The following CARMIL1 variants were observed in gnomAD, a reference collection of about 807,000 sequenced individuals.
CARMIL1 encodes F-actin-uncapping protein LRRC16A.
In CARMIL1, 90 loss-of-function variants were observed where a neutral mutation model predicts 177.1. That is an observed-to-expected ratio of 0.51 (90% CI 0.43 to 0.61). CARMIL1 has a LOEUF of 0.61. Ranked by LOEUF, CARMIL1 falls within the 20% of genes least tolerant of loss-of-function variation. The probability of loss-of-function intolerance (pLI) is 0.00; values close to 1 mark genes in which losing one functional copy is unlikely to be tolerated. For missense variants in CARMIL1, 1,380 were observed against 1,667.0 expected, an observed-to-expected ratio of 0.83 and a Z score of 3.00; for synonymous variants, 577 against 606.2, an observed-to-expected ratio of 0.95 and a Z score of 0.71.
At chr6:25,316,386 T>G (rs554697836) in intron 2 of CARMIL1, among the ~76,000 whole-genome samples, 30 of 151,946 alleles carry the variant, frequency 2.0e-4, no homozygotes, top group African/African-American at 6.5e-4. Context: ...TGAATTGTCT[T>G]ACTGATTTTA....
At chr6:25,373,531 G>A (rs1221407758) in intron 2 of CARMIL1, among the ~76,000 whole-genome samples, 2 of 150,628 alleles carry the variant, frequency 1.3e-5, no homozygotes, top group Non-Finnish European at 3.0e-5. Flanking sequence ...TAGCAGTCTT[G>A]AATGATCTTT....
intron 29 of CARMIL1, among the ~76,000 whole-genome samples, chr6:25,578,882 A>G (rs1395950522): frequency 6.6e-6 from 1 of 152,102 alleles, no homozygotes; most frequent in Non-Finnish European, 1.5e-5. Flanking sequence ...CAAGCTTTCT[A>G]TACTGGGCTT....
At chr6:25,461,973 C>G (rs957658590) in intron 8 of CARMIL1, among the ~76,000 whole-genome samples, 1 of 151,878 alleles carries the variant, frequency 6.6e-6, no homozygotes, top group African/African-American at 2.4e-5. Context: ...ATACATATAT[C>G]TTATTTAGTG....
intron 25 of CARMIL1, 95 bp downstream of exon 25, chr6:25,538,078 C>A: frequency 7.3e-7 from 1 of 1,366,978 alleles, no homozygotes; most frequent in Non-Finnish European, 9.8e-7. Flanking sequence ...CTCTCTCTAC[C>A]CAATTCCAAG....
At chr6:25,309,492 T>A (rs1783591936) in intron 2 of CARMIL1, among the ~76,000 whole-genome samples, 1 of 148,390 alleles carries the variant, frequency 6.7e-6, no homozygotes, top group Non-Finnish European at 1.5e-5. Flanking sequence ...TTTTTTTTTT[T>A]AACCCCAAAA....
intron 8 of CARMIL1, among the ~76,000 whole-genome samples, chr6:25,460,486 C>T (rs947280132): frequency 1.6e-4 from 25 of 152,118 alleles, no homozygotes; most frequent in African/African-American, 5.8e-4. Context: ...GCTTGATGCC[C>T]AGAAAGTAAT....
intron 2 of CARMIL1, among the ~76,000 whole-genome samples, chr6:25,409,928 A>G (rs184655203): frequency 1.4e-3 from 208 of 152,338 alleles, no homozygotes; most frequent in African/African-American, 4.6e-3. Flanking sequence ...CAGTTTGAGA[A>G]GCACCGCTGT....
intron 2 of CARMIL1, among the ~76,000 whole-genome samples, 193 bp downstream of exon 2, chr6:25,285,102 A>G (rs1781431272): frequency 6.6e-6 from 1 of 152,236 alleles, no homozygotes; most frequent in Non-Finnish European, 1.5e-5. Context: ...TTGAATTTTA[A>G]AGATCAAAGG....
chr6:25,581,471 C>G lies in CARMIL1; in HGVS notation c.3006+32C>G, dbSNP rs761843081. 1.7e-5 allele frequency: 26 copies of G among 1,555,542 alleles called. No individual in the cohort carries two copies. In the South Asian group the frequency reaches 3.0e-4, roughly 18 times the overall value. ...GGACTGCAGGAGAGGCCCCATCTCT[C>G]CCACACCCTTTTCTTCTCTGGGGAA... On this transcript the variant is annotated intron_variant, in intron 31 of 36. Transcript: ENST00000329474.
chr6:25,361,360 G>A (rs2150393971), intron 2 of CARMIL1, among the ~76,000 whole-genome samples: 1 of 151,916 alleles, frequency 6.6e-6, no homozygotes, highest in East Asian at 1.9e-4. Context: ...CTACTTCTAG[G>A]GGAAAGTCTT....
chr6:25,334,274 C>T (rs1378813440), intron 2 of CARMIL1, among the ~76,000 whole-genome samples: 1 of 152,204 alleles, frequency 6.6e-6, no homozygotes. Context: ...GGTTTCCCCA[C>T]CCTACCTTAA....
Position 25,467,471 on chromosome 6 carries a change from G to A in CARMIL1, c.690+1523G>A, listed in dbSNP as rs1194257869. On this transcript the variant is annotated intron_variant, in intron 9 of 36. Coordinates refer to ENST00000329474, the MANE Select transcript of CARMIL1 (RefSeq NM_017640.6). ...ATAAGCTTGTGAATTTCAAAATGGG[G>A]CCTCAAGAGGGTTTCAAGAAGGTTG... Among the ~76,000 whole-genome samples, 6 of 152,308 alleles carry A rather than the reference G, an allele frequency of 3.9e-5. No individual in the cohort carries two copies. In the East Asian group the frequency reaches 1.2e-3, roughly 29 times the overall value.
At chr6:25,388,835 C>G (rs1001738153) in intron 2 of CARMIL1, among the ~76,000 whole-genome samples, 1 of 152,024 alleles carries the variant, frequency 6.6e-6, no homozygotes, top group Admixed American at 6.5e-5. Context: ...ACCACCACAC[C>G]CAGCACATTT....
intron 25 of CARMIL1, among the ~76,000 whole-genome samples, 187 bp downstream of exon 25, chr6:25,538,170 A>G (rs1376453981): frequency 6.6e-6 from 1 of 152,208 alleles, no homozygotes. Flanking sequence ...ATCAAGATAT[A>G]GAATAAAAAG....
At chr6:25,407,257 G>A (rs1232181205) in intron 2 of CARMIL1, among the ~76,000 whole-genome samples, 1 of 152,282 alleles carries the variant, frequency 6.6e-6, no homozygotes, top group East Asian at 1.9e-4. Context: ...GGACCTGCAA[G>A]AGGTGTGTAG....
intron 2 of CARMIL1, among the ~76,000 whole-genome samples, chr6:25,398,674 G>A (rs1386282980): frequency 6.6e-6 from 1 of 152,342 alleles, no homozygotes; most frequent in East Asian, 1.9e-4. Flanking sequence ...ACACTGTGCT[G>A]TGTGAAGTGT....
intron 24 of CARMIL1, among the ~76,000 whole-genome samples, chr6:25,529,749 C>G: frequency 1.1e-5 from 1 of 90,048 alleles, no homozygotes; most frequent in African/African-American, 4.5e-5. Context: ...AGCGAGACTC[C>G]GTCTCCAAAA....
chr6:25,312,175 C>T (rs1186396791), intron 2 of CARMIL1, among the ~76,000 whole-genome samples: 1 of 152,128 alleles, frequency 6.6e-6, no homozygotes, highest in Non-Finnish European at 1.5e-5. Context: ...TTTCCTCTCA[C>T]CCCCTCCCAT....
In CARMIL1 at chr6:25,392,038, ATGTGTGTGTATATGCATGTGTGTGTG is replaced by A. The variant is rs1190372960; in HGVS notation, c.139-28066_139-28041del. Among the ~76,000 whole-genome samples, 208 of 106,840 alleles carry A rather than the reference ATGTGTGTGTATATGCATGTGTGTGTG, an allele frequency of 1.9e-3. 1 individual carries two copies. Among genetic ancestry groups the A allele is most frequent in the African/African-American group, 6.0e-3 (191 of 31,964 alleles). The allele number at this position is 106,840 out of a possible 152,430, so 70.1% of individuals were successfully genotyped here. On this transcript the variant is annotated intron_variant, in intron 2 of 36. Coordinates refer to ENST00000329474, the MANE Select transcript of CARMIL1 (RefSeq NM_017640.6). The stretch of plus-strand genomic sequence containing the variant: ...TTAGGCTGTTTTTTTGTGTGTATGC[ATGTGTGTGTATATGCATGTGTGTGTG>A]TGTGTGTGTGTGTGTGTGTGTGTGT...
Sources: gnomAD v4.1 joint callset for allele counts (sites outside exome capture counted in the v4.1 genomes callset) on GRCh38, gnomAD v4.1.1 for gene constraint, MANE v1.5 for transcripts, NCBI Gene and HGNC (gene_info 2026-07-23, HGNC 2026-07-21) for gene names.